The following KCNAB2 variants were observed in gnomAD, a reference collection of about 807,000 sequenced individuals.
The protein encoded by KCNAB2 is voltage-gated potassium channel subunit beta-2.
A neutral mutation model predicts 63.6 loss-of-function variants in KCNAB2; 29 were observed. The observed-to-expected ratio is 0.46, with a 90% confidence interval of 0.34 to 0.62. KCNAB2 has a LOEUF of 0.62. Ranked by LOEUF, KCNAB2 falls within the 20% of genes least tolerant of loss-of-function variation. KCNAB2 has a pLI of 0.01. For missense variants in KCNAB2, 359 were observed against 563.9 expected (o/e 0.64, Z 3.68); for synonymous variants, 222 against 224.2 (o/e 0.99, Z 0.09).
At chr1:5,999,586 A>C (rs1217406011) in intron 1 of KCNAB2, among the ~76,000 whole-genome samples, 2 of 152,150 alleles carry the variant, frequency 1.3e-5, no homozygotes, top group African/African-American at 4.8e-5. Flanking sequence ...GTGAGCTTCA[A>C]ATCTGAGATG....
At chr1:6,054,428 G>A (rs913835455) in intron 2 of KCNAB2, among the ~76,000 whole-genome samples, 4 of 152,174 alleles carry the variant, frequency 2.6e-5, no homozygotes, top group African/African-American at 4.8e-5. Context: ...CCAGGAGTTC[G>A]AGAGCAGCCT....
intron 2 of KCNAB2, among the ~76,000 whole-genome samples, chr1:6,066,290 C>T (rs1043735220): frequency 2.0e-5 from 3 of 152,246 alleles, no homozygotes; most frequent in Non-Finnish European, 2.9e-5. Flanking sequence ...CGGGGGCACA[C>T]AGCTTTGCAG....
chr1:6,049,247 C>T (rs1661193561), intron 1 of KCNAB2, among the ~76,000 whole-genome samples: 1 of 152,190 alleles, frequency 6.6e-6, no homozygotes, highest in South Asian at 2.1e-4. Context: ...TGCTGTTCTA[C>T]AAGTATCTGA....
At chr1:6,042,846 C>CCCG (rs1553122347), upstream of KCNAB2, among the ~76,000 whole-genome samples, 1 of 92,940 alleles carries the variant, frequency 1.1e-5, no homozygotes, top group Admixed American at 1.1e-4. Flanking sequence ...ACTCCCCACC[C>CCCG]CCCCCCCCGT....
upstream of KCNAB2, among the ~76,000 whole-genome samples, chr1:6,029,502 G>A (rs1659442403): frequency 6.6e-6 from 1 of 152,172 alleles, no homozygotes; most frequent in Admixed American, 6.5e-5. Flanking sequence ...CCAGGAAGCA[G>A]CTGTGGTCAG....
At chr1:6,080,063 T>TA (rs1252518770) in intron 4 of KCNAB2, among the ~76,000 whole-genome samples, 10 of 151,954 alleles carry the variant, frequency 6.6e-5, no homozygotes, top group African/African-American at 2.4e-4. Flanking sequence ...GATAAGAAAA[T>TA]ACATGTGTCT....
At chr1:6,044,836 A>C (rs1351201018), upstream of KCNAB2, among the ~76,000 whole-genome samples, 1 of 152,158 alleles carries the variant, frequency 6.6e-6, no homozygotes, top group African/African-American at 2.4e-5. Flanking sequence ...GGCCTGAAAA[A>C]AGGACGTCAG....
upstream of KCNAB2, chr1:6,041,756 G>A: frequency 7.5e-7 from 1 of 1,326,618 alleles, no homozygotes; most frequent in Non-Finnish European, 1.1e-6. Flanking sequence ...GCACCTGCTG[G>A]GGTTGATGCC....
chr1:6,038,078 T>G (rs1310619327), intron 1 of KCNAB2, among the ~76,000 whole-genome samples: 1 of 151,388 alleles, frequency 6.6e-6, no homozygotes, highest in African/African-American at 2.4e-5. Context: ...GGGGTTTCAC[T>G]GTGTTAGCCA....
intron 1 of KCNAB2, among the ~76,000 whole-genome samples, chr1:5,999,244 G>A (rs1253417176): frequency 1.3e-5 from 2 of 152,192 alleles, no homozygotes; most frequent in Admixed American, 6.5e-5. Context: ...TGGGTGGGCC[G>A]AGGGTCCTGA....
intron 12 of KCNAB2, 22 bp downstream of exon 12, chr1:6,095,465 GCC>G: frequency 1.9e-6 from 3 of 1,586,036 alleles, no homozygotes; most frequent in Non-Finnish European, 2.6e-6. Context: ...CGGGCCCCTC[GCC>G]CCGCCCCACC....
At chr1:5,999,256 A>G (rs1270156616) in intron 1 of KCNAB2, among the ~76,000 whole-genome samples, 1 of 152,148 alleles carries the variant, frequency 6.6e-6, no homozygotes, top group African/African-American at 2.4e-5. Flanking sequence ...GGGTCCTGAG[A>G]TATCGGTGTG....
chr1:6,044,883 G>T (rs1446636344), upstream of KCNAB2, among the ~76,000 whole-genome samples: 2 of 152,186 alleles, frequency 1.3e-5, no homozygotes, highest in Non-Finnish European at 2.9e-5. Flanking sequence ...TGATGGGCAG[G>T]TGCTGAGACA....
intron 2 of KCNAB2, among the ~76,000 whole-genome samples, chr1:6,053,601 GC>G (rs1661563523): frequency 6.6e-6 from 1 of 152,174 alleles, no homozygotes; most frequent in East Asian, 1.9e-4. Context: ...CGAAGAGAAG[GC>G]CCAGGCGGCT....
chr1:6,089,029 G>C lies in KCNAB2; in HGVS notation c.492G>C (p.Leu164=), dbSNP rs1442247037. ...WGGKAETERG[L]SRKHIIEGLK... is the part of the protein sequence containing the mutation. ...CCAGGGCGGAGACGGAGCGGGGCCT[G>C]TCCAGGAAGCACATAATCGAAGGTG... The change falls in exon 8 of 16, where the codon CTG becomes CTC. Residue 164 remains leucine, a synonymous_variant. Transcript: ENST00000378083. The C allele has an allele frequency of 2.6e-6, 4 of 1,549,188 alleles. No homozygotes were observed. The East Asian group carries it at 7.4e-5, about 29-fold the overall frequency.
At chr1:6,089,385 G>C (rs544013423) in intron 8 of KCNAB2, among the ~76,000 whole-genome samples, 3 of 152,244 alleles carry the variant, frequency 2.0e-5, no homozygotes, top group Non-Finnish European at 4.4e-5. Context: ...CAGTAAGAGC[G>C]CACCCGGCGA....
chr1:6,009,422 T>G (rs992581282), intron 1 of KCNAB2, among the ~76,000 whole-genome samples: 1 of 152,196 alleles, frequency 6.6e-6, no homozygotes, highest in African/African-American at 2.4e-5. Context: ...CGTGTGCATA[T>G]GTGTATGCAC....
upstream of KCNAB2, among the ~76,000 whole-genome samples, chr1:6,033,591 C>T (rs1337901925): frequency 2.6e-5 from 4 of 152,074 alleles, no homozygotes; most frequent in African/African-American, 4.8e-5. Context: ...TGTATGATTG[C>T]GATCAAGAGT....
upstream of KCNAB2, among the ~76,000 whole-genome samples, chr1:6,030,745 T>C (rs1158765418): frequency 6.6e-6 from 1 of 151,754 alleles, no homozygotes; most frequent in South Asian, 2.1e-4. Context: ...TTTATGTGTG[T>C]ATATGTGTGT....
Sources: allele counts gnomAD v4.1 joint callset (sites outside exome capture counted in the v4.1 genomes callset), GRCh38; gene constraint gnomAD v4.1.1; transcripts MANE v1.5; gene names NCBI Gene and HGNC (gene_info 2026-07-23, HGNC 2026-07-21).